The following CUX1 variants were observed in gnomAD, a reference collection of about 807,000 sequenced individuals.
The protein encoded by CUX1 is cut like homeobox 1, also known as protein CASP.
CUX1 carries 31 observed loss-of-function variants against 158.8 expected under a neutral mutation model. The observed-to-expected ratio is 0.20, with a 90% CI of 0.15 to 0.26. The LOEUF (loss-of-function observed/expected upper bound fraction) is 0.26, where lower values mean the gene tolerates loss of function less well. Among genes scored for constraint, CUX1 ranks in the 10% least tolerant of loss-of-function variants. The pLI, the probability that CUX1 is intolerant of heterozygous loss-of-function variation, is 1.00. For synonymous variants in CUX1, 879 were observed against 862.1 expected (o/e 1.02, Z -0.34); for missense variants, 1,589 against 2,014.6 (o/e 0.79, Z 4.04).
chr7:102,151,997 A>C (rs1835741480), intron 8 of CUX1, among the ~76,000 whole-genome samples: 1 of 152,122 alleles, frequency 6.6e-6, no homozygotes, highest in African/African-American at 2.4e-5. Flanking sequence ...GCTTCAGGCC[A>C]TGAGTTCAAG....
rs1554537910 is a variant in CUX1 at position 102,248,580 on chromosome 7, C to T, written c.4056C>T (p.Thr1352=). Residue 1352 remains threonine, a synonymous_variant, in exon 24 of 24, where the codon ACC becomes ACT. Coordinates refer to ENST00000292535, the MANE Select transcript of CUX1 (RefSeq NM_181552.4). The surrounding 1 kb of genome is among the most constrained non-coding windows in gnomAD (Gnocchi z 5.8). ...EATEGPGSAD[T]EEPKSQGEAE... ...CTGAGGGCCCAGGCAGCGCCGACAC[C>T]GAGGAGCCCAAGTCTCAGGGAGAGG... 8 of 1,484,154 alleles carry T rather than the reference C, an allele frequency of 5.4e-6. No individual in the cohort carries two copies. In the Admixed American group the frequency reaches 1.2e-4, roughly 21 times the overall value. 91.9% of individuals were successfully genotyped at this position (1,484,154 alleles called of 1,614,324 possible).
rs191749931 is a variant in CUX1 at position 102,111,066 on chromosome 7, T to C, written c.531-632T>C. On this transcript the variant is annotated intron_variant, in intron 6 of 23. Transcript: ENST00000292535. ...ATTATGAGAGCATATGTTAAATTCA[T>C]ATGATATAAAAATAATCAACTTATT... Among the ~76,000 whole-genome samples the C allele has an allele frequency of 3.3e-3, 505 of 152,270 alleles. 2 individuals carry two copies. Among genetic ancestry groups the C allele is most frequent in the Middle Eastern group, 6.8e-3 (2 of 292 alleles).
intron 1 of CUX1, among the ~76,000 whole-genome samples, chr7:101,874,853 G>A (rs774440558): frequency 1.3e-5 from 2 of 152,218 alleles, no homozygotes; most frequent in Non-Finnish European, 2.9e-5. Context: ...ATTTGATGGC[G>A]TGGAGTCCAG....
At chr7:102,229,799 G>A (rs1402635641) in intron 21 of CUX1, among the ~76,000 whole-genome samples, 1 of 151,564 alleles carries the variant, frequency 6.6e-6, no homozygotes, top group African/African-American at 2.4e-5. Context: ...TGTATTTTCA[G>A]TAGAGACAGA....
chr7:101,996,726 C>T (rs1378513765), intron 2 of CUX1, among the ~76,000 whole-genome samples: 1 of 146,528 alleles, frequency 6.8e-6, no homozygotes, highest in African/African-American at 2.5e-5. Context: ...TACTTCCTTC[C>T]TCTCTTCCTC....
chr7:102,220,442 C>T (rs868956708), intron 20 of CUX1, among the ~76,000 whole-genome samples: 1 of 152,324 alleles, frequency 6.6e-6, no homozygotes, highest in African/African-American at 2.4e-5. Context: ...CGTAAACCAC[C>T]AGGGGGTGTG....
intron 2 of CUX1, among the ~76,000 whole-genome samples, chr7:101,996,001 A>C (rs1815821049): frequency 6.6e-6 from 1 of 151,888 alleles, no homozygotes; most frequent in Non-Finnish European, 1.5e-5. Context: ...TAGCCCAGCT[A>C]CTCGGGAGGC....
At chr7:102,227,779 G>A (rs1798497214) in intron 21 of CUX1, 110 bp downstream of exon 21, 1 of 1,106,956 alleles carries the variant, frequency 9.0e-7, no homozygotes, top group Non-Finnish European at 1.3e-6. Context: ...AACTTGTGTA[G>A]GCACCCTTTG....
chr7:102,250,516 G>A lies in CUX1; in HGVS notation c.*1474G>A, dbSNP rs1047015134. 2.4e-5 allele frequency: 24 copies of A among 985,276 alleles called. No homozygotes were observed. The highest frequency in any genetic ancestry group is 2.8e-5 in the Non-Finnish European group (23 of 829,966). 61.0% of individuals were successfully genotyped at this position (985,276 alleles called of 1,614,324 possible). A position where few individuals can be genotyped will look rare whatever the true frequency, so the allele number is the denominator to read the frequency against. Reference sequence around the variant, plus strand: ...AAGCACTGATGACCCTGTTGAACTCGTGGGAAACTTCCTTTCTCTGCAGGA... The same window carrying A: ...AAGCACTGATGACCCTGTTGAACTCATGGGAAACTTCCTTTCTCTGCAGGA... On this transcript the variant is annotated 3_prime_UTR_variant, in exon 24 of 24. Transcript: ENST00000292535.
intron 1 of CUX1, among the ~76,000 whole-genome samples, chr7:101,886,300 C>G (rs1426979463): frequency 6.6e-6 from 1 of 152,130 alleles, no homozygotes; most frequent in African/African-American, 2.4e-5. Context: ...CTCAAGTGAT[C>G]TTCCTACCCC....
At chr7:102,116,633 G>C (rs1454281210) in intron 8 of CUX1, among the ~76,000 whole-genome samples, 2 of 152,006 alleles carry the variant, frequency 1.3e-5, no homozygotes, top group African/African-American at 4.8e-5. Context: ...AACAGAGCAA[G>C]ACCCTGCCCC....
chr7:102,118,757 G>T (rs1457650019), intron 8 of CUX1, among the ~76,000 whole-genome samples: 1 of 151,996 alleles, frequency 6.6e-6, no homozygotes, highest in Non-Finnish European at 1.5e-5. Context: ...TGTTGTTGTT[G>T]TTGTTTTGTT....
intron 2 of CUX1, among the ~76,000 whole-genome samples, chr7:101,917,155 A>G (rs1331393568): frequency 6.6e-6 from 1 of 152,238 alleles, no homozygotes; most frequent in Non-Finnish European, 1.5e-5. Flanking sequence ...ACATAGGAAC[A>G]TGCCTGGAGG....
intron 23 of CUX1, among the ~76,000 whole-genome samples, chr7:102,244,812 C>T (rs1039523392): frequency 6.6e-6 from 1 of 152,180 alleles, no homozygotes; most frequent in African/African-American, 2.4e-5. Flanking sequence ...GTTAGGAACT[C>T]AGATTCTGAA....
intron 7 of CUX1, among the ~76,000 whole-genome samples, chr7:102,112,737 A>AT (rs1162487122): frequency 1.3e-5 from 2 of 151,774 alleles, no homozygotes; most frequent in African/African-American, 4.8e-5. Context: ...TACCCGCCTA[A>AT]TTTTTGTGTT....
intron 2 of CUX1, among the ~76,000 whole-genome samples, chr7:101,942,266 G>A (rs1389410211): frequency 6.6e-6 from 1 of 152,194 alleles, no homozygotes; most frequent in Non-Finnish European, 1.5e-5. Flanking sequence ...CGGCCTGTCT[G>A]TAATGCAGAC....
intron 1 of CUX1, among the ~76,000 whole-genome samples, chr7:101,862,035 A>G (rs932515161): frequency 1.3e-5 from 2 of 152,104 alleles, no homozygotes; most frequent in Non-Finnish European, 2.9e-5. Context: ...GGGTTTCACC[A>G]TGTTGGCCAG....
chr7:102,139,051 C>A (rs1834179104), intron 8 of CUX1, among the ~76,000 whole-genome samples: 1 of 151,868 alleles, frequency 6.6e-6, no homozygotes, highest in African/African-American at 2.4e-5. Flanking sequence ...TTGAGACCAG[C>A]CTGGCCAACA....
chr7:101,999,899 T>C (rs1585227495), intron 2 of CUX1, among the ~76,000 whole-genome samples: 1 of 151,992 alleles, frequency 6.6e-6, no homozygotes, highest in Non-Finnish European at 1.5e-5. Context: ...TGTGTGTGCG[T>C]GTGTGTGTGC....
Sources: gnomAD v4.1 joint callset for allele counts (sites outside exome capture counted in the v4.1 genomes callset) on GRCh38, gnomAD v4.1.1 for gene constraint, Gnocchi (gnomAD v3.1) non-coding constraint, MANE v1.5 for transcripts, NCBI Gene and HGNC (gene_info 2026-07-23, HGNC 2026-07-21) for gene names.